ADGRV1: variants seen among roughly 807,000 people sequenced by gnomAD.
The protein encoded by ADGRV1 is adhesion G protein-coupled receptor V1, also known as G-protein coupled receptor 98.
Under a neutral mutation model 596.2 loss-of-function variants are expected in ADGRV1, and 359 were observed. That is an observed-to-expected ratio of 0.60 (90% CI 0.55 to 0.66). ADGRV1 has a LOEUF of 0.66. Ranked by LOEUF, ADGRV1 falls within the 30% of genes least tolerant of loss-of-function variation. The pLI, the probability that ADGRV1 is intolerant of heterozygous loss-of-function variation, is 0.00. For missense variants in ADGRV1, 7,274 were observed against 7,575.6 expected, an observed-to-expected ratio of 0.96 and a Z score of 1.48; for synonymous variants, 2,681 against 2,679.2, an observed-to-expected ratio of 1.00 and a Z score of -0.02.
intron 85 of ADGRV1, among the ~76,000 whole-genome samples, chr5:91,064,595 G>A (rs566394049): frequency 6.6e-6 from 1 of 152,226 alleles, no homozygotes; most frequent in South Asian, 2.1e-4. Flanking sequence ...ATTTCACTTT[G>A]TAGAGATTAT....
chr5:90,663,442 CA>C (rs1485448935), intron 21 of ADGRV1, among the ~76,000 whole-genome samples: 1 of 150,194 alleles, frequency 6.7e-6, no homozygotes, highest in Non-Finnish European at 1.5e-5. Context: ...GTCCTTCGCC[CA>C]CTTTTTGATG....
intron 84 of ADGRV1, among the ~76,000 whole-genome samples, chr5:90,967,176 G>A (rs1254667057): frequency 6.6e-6 from 1 of 152,166 alleles, no homozygotes; most frequent in African/African-American, 2.4e-5. Flanking sequence ...GAAACAAGTG[G>A]CACCCTGGAT....
At chr5:90,624,449 A>G (rs1468857403) in intron 5 of ADGRV1, among the ~76,000 whole-genome samples, 2 of 152,180 alleles carry the variant, frequency 1.3e-5, no homozygotes, top group Admixed American at 6.5e-5. Flanking sequence ...TTAAATAATT[A>G]TAAGTAACAT....
At chr5:90,861,311 T>TTTTG (rs1767534394) in intron 82 of ADGRV1, among the ~76,000 whole-genome samples, 1 of 151,608 alleles carries the variant, frequency 6.6e-6, no homozygotes, top group African/African-American at 2.4e-5. Flanking sequence ...TCTATTTTTT[T>TTTTG]TTTGTTTTTG....
intron 1 of ADGRV1, among the ~76,000 whole-genome samples, chr5:90,609,348 TAAATAA>T (rs1175667638): frequency 6.6e-6 from 1 of 151,928 alleles, no homozygotes; most frequent in Non-Finnish European, 1.5e-5. Context: ...AAATTAAAAA[TAAATAA>T]AAATAAAGAC....
chr5:90,710,597 A>AT (rs1001635929), intron 39 of ADGRV1, among the ~76,000 whole-genome samples: 19 of 145,258 alleles, frequency 1.3e-4, no homozygotes, highest in African/African-American at 2.0e-4. Context: ...TTTATTTTTC[A>AT]TTTTTTTTTG....
At chr5:91,079,021 G>C (rs1789096580) in intron 86 of ADGRV1, among the ~76,000 whole-genome samples, 1 of 152,084 alleles carries the variant, frequency 6.6e-6, no homozygotes, top group Non-Finnish European at 1.5e-5. Flanking sequence ...GGGAAAACAT[G>C]ATATGATTTT....
intron 21 of ADGRV1, among the ~76,000 whole-genome samples, chr5:90,668,155 G>C (rs913925437): frequency 3.9e-5 from 6 of 151,972 alleles, no homozygotes; most frequent in Middle Eastern, 3.4e-3. Flanking sequence ...GAGCTTCCAG[G>C]CTGCTTTGTT....
chr5:90,674,566 A>G (rs1342287075), intron 23 of ADGRV1: 1 of 171,862 alleles, frequency 5.8e-6, no homozygotes, highest in Non-Finnish European at 1.2e-5. Context: ...TAATTGAAAT[A>G]CTTTGTAATT....
At chr5:90,754,219 C>A (rs911612523) in intron 54 of ADGRV1, among the ~76,000 whole-genome samples, 1 of 152,052 alleles carries the variant, frequency 6.6e-6, no homozygotes, top group Non-Finnish European at 1.5e-5. Flanking sequence ...GTACATGGCA[C>A]TAAAGGTATT....
intron 79 of ADGRV1, among the ~76,000 whole-genome samples, chr5:90,851,099 T>A (rs1486786295): frequency 1.6e-4 from 4 of 24,676 alleles, no homozygotes; most frequent in African/African-American, 3.8e-4. Flanking sequence ...GTAAGCTAGG[T>A]AGGGTGTGTG....
chr5:90,622,720 C>A lies in ADGRV1; in HGVS notation c.558+19C>A. ...TTTTGAGGTAAGTTTACTCTGAAGT[C>A]ATTTTATTTTATTTATTTTTATTTT... On this transcript the variant is annotated intron_variant, in intron 5 of 89. Transcript: ENST00000405460. The A allele has an allele frequency of 4.7e-6, 5 of 1,065,102 alleles. No individual in the cohort carries two copies. Among genetic ancestry groups the A allele is most frequent in the South Asian group, 3.9e-5 (2 of 50,940 alleles). The allele number at this position is 1,065,102 out of a possible 1,614,324, so 66.0% of individuals were successfully genotyped here. A position where few individuals can be genotyped will look rare whatever the true frequency, so the allele number is the denominator to read the frequency against.
chr5:90,578,105 T>A (rs535165621), intron 1 of ADGRV1, among the ~76,000 whole-genome samples: 1 of 152,338 alleles, frequency 6.6e-6, no homozygotes, highest in Non-Finnish European at 1.5e-5. Flanking sequence ...ACCTTGTATT[T>A]CTTTATCTTG....
At position 91,163,879 on chromosome 5, in the gene ADGRV1, C is replaced by T; in HGVS notation, c.18900C>T (p.Pro6300=). 1 of 1,574,802 alleles carries T rather than the reference C, an allele frequency of 6.3e-7. No homozygotes were observed. Among genetic ancestry groups the T allele is most frequent in the Non-Finnish European group, 8.7e-7 (1 of 1,146,460 alleles). ...AGATCGTGGAGCTCAGGAGGATACC[C>T]ATCGCCGACACTCACCTGTAGCACC... is the stretch of plus-strand genomic sequence containing the variant. ...DSQIVELRRI[P]IADTHL The change falls in exon 90 of 90, where the codon CCC becomes CCT. Residue 6300 remains proline (P), a synonymous_variant. Transcript: ENST00000405460.
At chr5:90,789,646 A>G (rs1759855738) in intron 68 of ADGRV1, 56 bp from the exon 69 acceptor site, 1 of 1,088,654 alleles carries the variant, frequency 9.2e-7, no homozygotes, top group Non-Finnish European at 1.3e-6. Flanking sequence ...GTTGGATACT[A>G]TAATTTCATC....
rs376117972 is a variant in ADGRV1, at chr5:90,596,935, AAG to A, written c.23-17897_23-17896del. On this transcript the variant is annotated intron_variant, in intron 1 of 89. Coordinates refer to ENST00000405460, the MANE Select transcript of ADGRV1 (RefSeq NM_032119.4). ...ACACACTTCTTAAAACAAAAACAAAAAGAGTGGTGGGTGGTCTTTTTAGTTAT... is the reference window on the plus strand; with the variant it reads ...ACACACTTCTTAAAACAAAAACAAAAAGTGGTGGGTGGTCTTTTTAGTTAT... Among the ~76,000 whole-genome samples the A allele has an allele frequency of 1.2e-3, 178 of 152,266 alleles. 3 individuals are homozygous for A. In the East Asian group the frequency reaches 0.025, roughly 21 times the overall value.
chr5:90,800,139 G>A (rs1224888273), intron 70 of ADGRV1, among the ~76,000 whole-genome samples: 1 of 152,054 alleles, frequency 6.6e-6, no homozygotes, highest in African/African-American at 2.4e-5. Context: ...GAGTGAACAG[G>A]CAACCTACAG....
intron 70 of ADGRV1, among the ~76,000 whole-genome samples, chr5:90,799,327 A>G (rs1319899814): frequency 1.3e-5 from 2 of 152,204 alleles, no homozygotes; most frequent in African/African-American, 4.8e-5. Context: ...CCCATTCCCA[A>G]TTGCTACTAA....
chr5:90,734,581 A>ATTTT (rs3045850), intron 50 of ADGRV1, among the ~76,000 whole-genome samples: 10 of 101,098 alleles, frequency 9.9e-5, no homozygotes, highest in East Asian at 2.9e-4. Context: ...TCTTTAGCCT[A>ATTTT]TTTTTTTTTT....
Sources: gnomAD v4.1 joint callset for allele counts (sites outside exome capture counted in the v4.1 genomes callset) on GRCh38, gnomAD v4.1.1 for gene constraint, MANE v1.5 for transcripts, NCBI Gene and HGNC (gene_info 2026-07-23, HGNC 2026-07-21) for gene names.